ROBO2: variants seen among roughly 807,000 people sequenced by gnomAD.
ROBO2 encodes roundabout homolog 2.
Under a neutral mutation model 160.8 loss-of-function variants are expected in ROBO2, and 53 were observed. That is an observed-to-expected ratio of 0.33 (90% confidence interval 0.26 to 0.41). The LOEUF is 0.41. Among genes scored for constraint, ROBO2 ranks in the 10% least tolerant of loss-of-function variants. The pLI is 1.00. For missense variants in ROBO2, 1,577 were observed against 1,722.4 expected, an observed-to-expected ratio of 0.92 and a Z score of 1.49; for synonymous variants, 664 against 611.7, an observed-to-expected ratio of 1.09 and a Z score of -1.26.
chr3:76,136,490 G>C (rs916940456), intron 2 of ROBO2, among the ~76,000 whole-genome samples: 1 of 152,036 alleles, frequency 6.6e-6, no homozygotes, highest in Non-Finnish European at 1.5e-5. Context: ...TTCTTGACTT[G>C]GGGAAAGCTT....
chr3:77,233,106 C>T (rs552406604), intron 2 of ROBO2, among the ~76,000 whole-genome samples: 29 of 152,196 alleles, frequency 1.9e-4, no homozygotes, highest in African/African-American at 5.8e-4. Flanking sequence ...AGTCCACAAC[C>T]GAGTCATATA....
intron 2 of ROBO2, among the ~76,000 whole-genome samples, chr3:76,147,503 C>A (rs1296055797): frequency 5.9e-5 from 9 of 151,934 alleles, no homozygotes; most frequent in Admixed American, 4.6e-4. Context: ...TTAGCAAAAA[C>A]AGTTTCAGAG....
intron 2 of ROBO2, among the ~76,000 whole-genome samples, chr3:77,458,282 A>G (rs957201434): frequency 1.5e-4 from 23 of 152,182 alleles, no homozygotes; most frequent in African/African-American, 3.1e-4. Context: ...TGTACTTGCA[A>G]TTGCAGAAAA....
intron 4 of ROBO2, among the ~76,000 whole-genome samples, chr3:77,488,231 C>G (rs868007056): frequency 2.0e-5 from 3 of 152,108 alleles, no homozygotes; most frequent in Admixed American, 6.5e-5. Flanking sequence ...GAGAGATTAA[C>G]CTTGTAAGCA....
chr3:77,411,884 C>T (rs973336106), intron 2 of ROBO2, among the ~76,000 whole-genome samples: 2 of 152,134 alleles, frequency 1.3e-5, no homozygotes, highest in African/African-American at 2.4e-5. Context: ...TATTCTCATC[C>T]TTTATTGTTT....
At chr3:76,273,120 A>AT (rs1707689323) in intron 2 of ROBO2, among the ~76,000 whole-genome samples, 12 of 32,356 alleles carry the variant, frequency 3.7e-4, no homozygotes, top group African/African-American at 6.8e-4. Context: ...CACACATATA[A>AT]ATATATATAT....
intron 2 of ROBO2, among the ~76,000 whole-genome samples, chr3:77,130,336 G>A (rs1408438250): frequency 2.0e-5 from 3 of 152,048 alleles, no homozygotes; most frequent in South Asian, 4.1e-4. Flanking sequence ...GCTTCTTTAC[G>A]ACACATTTTG....
At chr3:77,622,292 C>A (rs745596737) in exon 23 of ROBO2, 6 of 1,614,126 alleles carry the variant, frequency 3.7e-6, no homozygotes, top group South Asian at 2.2e-5. Context: ...GTGTCTGGAG[C>A]CTTGATTTCT....
intron 2 of ROBO2, among the ~76,000 whole-genome samples, chr3:76,037,344 G>A (rs186999677): frequency 1.6e-4 from 24 of 146,404 alleles, no homozygotes; most frequent in Non-Finnish European, 3.1e-4. Context: ...TGCAACCTCC[G>A]CCTCCTGGCT....
At chr3:76,042,820 G>C (rs1002529430) in intron 2 of ROBO2, among the ~76,000 whole-genome samples, 1 of 152,078 alleles carries the variant, frequency 6.6e-6, no homozygotes, top group African/African-American at 2.4e-5. Flanking sequence ...ACCGGTGCAT[G>C]CAGCCCCTGT....
chr3:76,260,110 T>A (rs192679454), intron 2 of ROBO2, among the ~76,000 whole-genome samples: 1 of 152,240 alleles, frequency 6.6e-6, no homozygotes, highest in East Asian at 1.9e-4. Flanking sequence ...GCTGAAACCA[T>A]AGAAAGTATC....
intron 2 of ROBO2, among the ~76,000 whole-genome samples, chr3:76,987,635 T>TA (rs936929716): frequency 5.3e-5 from 8 of 152,026 alleles, no homozygotes; most frequent in Admixed American, 1.3e-4. Context: ...AAAGGCAGCT[T>TA]AAAAAAAAGC....
chr3:77,230,104 T>C (rs2151277595), intron 2 of ROBO2, among the ~76,000 whole-genome samples: 1 of 152,220 alleles, frequency 6.6e-6, no homozygotes, highest in Admixed American at 6.5e-5. Context: ...CAGTTTTTTT[T>C]TTTGAGACAG....
Position 75,951,531 on chromosome 3 carries a change from C to T in ROBO2, c.109+13929C>T, listed in dbSNP as rs550613531. On this transcript the variant is annotated intron_variant, in intron 2 of 26. Transcript: ENST00000487694. ...TGAACTCCTTTACATCATCGGAATG[C>T]CATATATATATGAAATGTTATTTAT... Among the ~76,000 whole-genome samples, 4 of 152,042 alleles carry T rather than the reference C, an allele frequency of 2.6e-5. No individual in the cohort carries two copies. In the East Asian group the frequency reaches 7.8e-4, roughly 30 times the overall value.
chr3:77,337,618 A>G (rs555949157), intron 2 of ROBO2, among the ~76,000 whole-genome samples: 17 of 152,276 alleles, frequency 1.1e-4, no homozygotes, highest in African/African-American at 2.9e-4. Flanking sequence ...TTTGAACCTA[A>G]TAGTTAACTC....
In ROBO2 at chr3:76,480,711, T is replaced by C. The variant is rs539294020; in HGVS notation, c.109+543109T>C. Among the ~76,000 whole-genome samples, 3 of 152,248 alleles carry C rather than the reference T, an allele frequency of 2.0e-5. No individual in the cohort carries two copies. In the South Asian group the frequency reaches 6.2e-4, roughly 32 times the overall value. On this transcript the variant is annotated intron_variant, in intron 2 of 26. Transcript: ENST00000487694. ...TTTTATAAAGGCATGCATCCCAATA[T>C]CTTTCTAAAGGTACCACCTCCCAAT...
At chr3:75,907,842 T>A (rs1240663791) in intron 1 of ROBO2, among the ~76,000 whole-genome samples, 2 of 136,380 alleles carry the variant, frequency 1.5e-5, no homozygotes, top group East Asian at 2.3e-4. Context: ...TCATTTTTTT[T>A]AATCGTGTGC....
At chr3:76,302,971 A>T (rs1196466317) in intron 2 of ROBO2, among the ~76,000 whole-genome samples, 2 of 152,156 alleles carry the variant, frequency 1.3e-5, no homozygotes, top group African/African-American at 4.8e-5. Context: ...ATTATAAAAA[A>T]TTTTAAAAAT....
chr3:77,009,512 A>G (rs2149454033), intron 2 of ROBO2, among the ~76,000 whole-genome samples: 1 of 152,318 alleles, frequency 6.6e-6, no homozygotes, highest in East Asian at 1.9e-4. Flanking sequence ...TTTGGAAACA[A>G]TGTTTAAGTA....
Sources: allele counts gnomAD v4.1 joint callset (sites outside exome capture counted in the v4.1 genomes callset), GRCh38; gene constraint gnomAD v4.1.1; transcripts MANE v1.5; gene names NCBI Gene and HGNC (gene_info 2026-07-23, HGNC 2026-07-21).